The following ZBTB20 variants were observed in gnomAD, a reference collection of about 807,000 sequenced individuals.
ZBTB20 encodes zinc finger and BTB domain-containing protein 20.
Under a neutral mutation model 56.9 loss-of-function variants are expected in ZBTB20, and 9 were observed. That is an observed-to-expected ratio of 0.16 (90% CI 0.10 to 0.28). The LOEUF is 0.28. Ranked by LOEUF, ZBTB20 falls within the 10% of genes least tolerant of loss-of-function variation. The probability of loss-of-function intolerance (pLI) is 1.00; values close to 1 mark genes in which losing one functional copy is unlikely to be tolerated. For missense variants in ZBTB20, 655 were observed against 1,003.0 expected (o/e 0.65, Z 4.69); for synonymous variants, 417 against 420.7 (o/e 0.99, Z 0.11).
intron 4 of ZBTB20, among the ~76,000 whole-genome samples, chr3:114,899,087 C>T (rs2075004777): frequency 6.6e-6 from 1 of 151,984 alleles, no homozygotes; most frequent in Non-Finnish European, 1.5e-5. Context: ...TTACCAGTAA[C>T]ATTTGTGAAA....
intron 11 of ZBTB20, 135 bp downstream of exon 11, chr3:114,350,139 G>C (rs2080534351): frequency 7.7e-7 from 1 of 1,306,326 alleles, no homozygotes; most frequent in Non-Finnish European, 1.0e-6. Flanking sequence ...GGGGTTTCTA[G>C]AAGAGGCTTG....
intron 7 of ZBTB20, among the ~76,000 whole-genome samples, chr3:114,445,821 T>G (rs979013499): frequency 1.3e-5 from 2 of 152,190 alleles, no homozygotes; most frequent in Non-Finnish European, 2.9e-5. Context: ...GGTTTACATT[T>G]ATGTATGTGT....
At chr3:114,927,432 T>C (rs2076199738) in intron 3 of ZBTB20, among the ~76,000 whole-genome samples, 1 of 152,238 alleles carries the variant, frequency 6.6e-6, no homozygotes, top group African/African-American at 2.4e-5. Context: ...GTCCTTAACG[T>C]TGACAAAATA....
intron 1 of ZBTB20, among the ~76,000 whole-genome samples, chr3:115,075,448 T>C (rs1368278563): frequency 2.0e-5 from 3 of 152,172 alleles, no homozygotes; most frequent in African/African-American, 4.8e-5. Context: ...TGTTGTCTCA[T>C]TGCAGTATTT....
At chr3:115,054,884 G>C (rs2081698389) in intron 2 of ZBTB20, among the ~76,000 whole-genome samples, 1 of 152,018 alleles carries the variant, frequency 6.6e-6, no homozygotes, top group African/African-American at 2.4e-5. Context: ...ACAGGCATCA[G>C]GAAAATGCAG....
intron 6 of ZBTB20, among the ~76,000 whole-genome samples, chr3:114,673,481 T>C (rs2061467700): frequency 6.6e-6 from 1 of 152,112 alleles, no homozygotes; most frequent in Admixed American, 6.6e-5. Flanking sequence ...AGCCAGAAGA[T>C]TTAGGCTGCC....
intron 5 of ZBTB20, among the ~76,000 whole-genome samples, chr3:114,769,216 A>G (rs1019345633): frequency 6.6e-6 from 1 of 152,068 alleles, no homozygotes; most frequent in Non-Finnish European, 1.5e-5. Flanking sequence ...CCTGTGTTTT[A>G]TTGTTAATCA....
At chr3:114,467,793 G>T (rs918698495) in intron 7 of ZBTB20, among the ~76,000 whole-genome samples, 3 of 152,174 alleles carry the variant, frequency 2.0e-5, no homozygotes, top group Non-Finnish European at 4.4e-5. Flanking sequence ...TTATATGCAG[G>T]TTAATTATTC....
intron 6 of ZBTB20, among the ~76,000 whole-genome samples, chr3:114,634,391 C>A (rs1286747538): frequency 6.6e-6 from 1 of 152,094 alleles, no homozygotes; most frequent in African/African-American, 2.4e-5. Context: ...TAGCTATAGA[C>A]CCATAGGCAT....
At chr3:114,340,204 C>T (rs2108091259) in intron 11 of ZBTB20, among the ~76,000 whole-genome samples, 1 of 152,210 alleles carries the variant, frequency 6.6e-6, no homozygotes, top group African/African-American at 2.4e-5. Context: ...CAACACACTA[C>T]ACTCCACTCT....
intron 4 of ZBTB20, among the ~76,000 whole-genome samples, chr3:114,807,582 C>T (rs994680994): frequency 5.3e-5 from 8 of 151,870 alleles, no homozygotes; most frequent in South Asian, 2.1e-4. Context: ...GCCTCTTTTC[C>T]GATCCTAGGA....
chr3:114,952,468 A>G (rs1341938393), intron 3 of ZBTB20, among the ~76,000 whole-genome samples: 3 of 152,088 alleles, frequency 2.0e-5, no homozygotes, highest in Non-Finnish European at 2.9e-5. Flanking sequence ...ATTCTTTTAT[A>G]GCAGCAGAAA....
At chr3:114,577,592 A>C (rs1443022672) in intron 6 of ZBTB20, among the ~76,000 whole-genome samples, 2 of 152,220 alleles carry the variant, frequency 1.3e-5, no homozygotes, top group Admixed American at 1.3e-4. Flanking sequence ...TGGATCTAGA[A>C]TCACATCGAG....
At chr3:114,455,323 G>A (rs1002331369) in intron 7 of ZBTB20, among the ~76,000 whole-genome samples, 6 of 152,104 alleles carry the variant, frequency 3.9e-5, no homozygotes, top group Admixed American at 1.3e-4. Flanking sequence ...GACTGTTGGT[G>A]TGTTCTGATA....
At chr3:114,426,286 C>T (rs920044102) in intron 7 of ZBTB20, among the ~76,000 whole-genome samples, 2 of 140,490 alleles carry the variant, frequency 1.4e-5, no homozygotes, top group South Asian at 2.2e-4. Context: ...TGTAGTGAGC[C>T]GAGATCGCGC....
intron 6 of ZBTB20, among the ~76,000 whole-genome samples, chr3:114,602,822 A>G (rs1443649687): frequency 1.3e-5 from 2 of 152,032 alleles, no homozygotes; most frequent in Admixed American, 1.3e-4. Flanking sequence ...TATGTCACGG[A>G]CGAATTTTCT....
chr3:114,813,670 G>A lies in ZBTB20; in HGVS notation c.-416-12496C>T, dbSNP rs573358790. 2.3e-3 allele frequency among the ~76,000 whole-genome samples: 345 copies of A among 152,348 alleles called. 1 individual carries two copies. The highest frequency in any genetic ancestry group is 7.2e-3 in the African/African-American group (301 of 41,580). On this transcript the variant is annotated intron_variant, in intron 4 of 11. Transcript: ENST00000675478. ...GGAGGCTGAGGCAGGAGGATAGCTT[G>A]AGCCTGGGAGGCGGAGGTTGCAGTG...
At chr3:114,350,170 C>G (rs1423377417) in intron 11 of ZBTB20, 104 bp downstream of exon 11, 5 of 1,483,570 alleles carry the variant, frequency 3.4e-6, no homozygotes, top group Non-Finnish European at 4.5e-6. Flanking sequence ...TGTTTAAAAT[C>G]TGAAAGATGA....
chr3:114,892,881 A>T (rs1258334735), intron 4 of ZBTB20, among the ~76,000 whole-genome samples: 2 of 152,216 alleles, frequency 1.3e-5, no homozygotes, highest in African/African-American at 2.4e-5. Context: ...CACCAGGCAT[A>T]AGAGAAAAGA....
Sources: allele counts gnomAD v4.1 joint callset (sites outside exome capture counted in the v4.1 genomes callset), GRCh38; gene constraint gnomAD v4.1.1; transcripts MANE v1.5; gene names NCBI Gene and HGNC (gene_info 2026-07-23, HGNC 2026-07-21).